The following ELP3 variants were observed in gnomAD, a reference collection of about 807,000 sequenced individuals.
ELP3 encodes elongator acetyltransferase complex subunit 3.
Under a neutral mutation model 74.9 loss-of-function variants are expected in ELP3, and 56 were observed. The observed-to-expected ratio is 0.75, with a 90% confidence interval of 0.60 to 0.93. The LOEUF (loss-of-function observed/expected upper bound fraction) is 0.93, where lower values mean the gene tolerates loss of function less well. ELP3 is among the 40% of genes least tolerant of loss of function. The probability of loss-of-function intolerance (pLI) is 0.00; values close to 1 mark genes in which losing one functional copy is unlikely to be tolerated. For missense variants in ELP3, 573 were observed against 686.5 expected, an observed-to-expected ratio of 0.83 and a Z score of 1.85; for synonymous variants, 222 against 239.8, an observed-to-expected ratio of 0.93 and a Z score of 0.68.
Position 28,122,465 on chromosome 8 carries a change from A to C in ELP3, c.618-7037A>C, listed in dbSNP as rs1370741118. The stretch of plus-strand genomic sequence containing the variant: ...ATGGGAGGGTTTTAGATCATAATTC[A>C]GTTCATTTAATAGATATAGAGCTAT... On this transcript the variant is annotated intron_variant, in intron 7 of 14. Transcript: ENST00000256398. 5.3e-5 allele frequency among the ~76,000 whole-genome samples: 8 copies of C among 152,252 alleles called. No individual in the cohort carries two copies. In the East Asian group the frequency reaches 1.3e-3, roughly 26 times the overall value.
At chr8:28,109,307 C>T (rs1236337173) in intron 5 of ELP3, among the ~76,000 whole-genome samples, 7 of 152,160 alleles carry the variant, frequency 4.6e-5, no homozygotes, top group Non-Finnish European at 2.9e-5. Flanking sequence ...GCCAGGAAAG[C>T]TTGTGACTTT....
intron 1 of ELP3, 122 bp downstream of exon 1, chr8:28,093,355 C>T: frequency 7.2e-7 from 1 of 1,386,512 alleles, no homozygotes; most frequent in East Asian, 2.4e-5. Flanking sequence ...CGCCCCGCCA[C>T]CTAGGGTCAG....
At chr8:28,116,864 A>G (rs1812159613) in intron 7 of ELP3, among the ~76,000 whole-genome samples, 1 of 152,220 alleles carries the variant, frequency 6.6e-6, no homozygotes, top group South Asian at 2.1e-4. Flanking sequence ...ATACTGAAAA[A>G]TCAAACTATA....
At chr8:28,152,544 G>A (rs893253208) in intron 10 of ELP3, among the ~76,000 whole-genome samples, 8 of 152,156 alleles carry the variant, frequency 5.3e-5, no homozygotes, top group African/African-American at 1.9e-4. Context: ...AGTGGCTCAT[G>A]CCTGTAATCC....
Position 28,152,569 on chromosome 8 carries a change from GC to G in ELP3, c.1101-3371del, listed in dbSNP as rs1230907512. Among the ~76,000 whole-genome samples, 7 of 152,258 alleles carry G rather than the reference GC, an allele frequency of 4.6e-5. No individual in the cohort carries two copies. In the East Asian group the frequency reaches 1.2e-3, roughly 25 times the overall value. The stretch of plus-strand genomic sequence containing the variant: ...GCCTGTAATCCCAGCACTTTGGGAG[GC>G]CGAGGCAGGTGGATCACCTGAGGTC... On this transcript the variant is annotated intron_variant, in intron 10 of 14. Transcript: ENST00000256398.
upstream of ELP3, chr8:28,093,053 C>T: frequency 2.6e-6 from 3 of 1,160,882 alleles, no homozygotes; most frequent in South Asian, 4.0e-5. Context: ...CAACACGGGG[C>T]GGGGCGTGGC....
intron 7 of ELP3, chr8:28,113,700 C>G (rs938228212): frequency 6.6e-6 from 1 of 152,148 alleles, no homozygotes; most frequent in African/African-American, 2.4e-5. Context: ...GTTGGGAAGT[C>G]CAATGTCAAG....
At chr8:28,155,839 C>CACAG in intron 10 of ELP3, 103 bp from the exon 11 acceptor site, 1 of 977,364 alleles carries the variant, frequency 1.0e-6, no homozygotes, top group Non-Finnish European at 1.5e-6. Flanking sequence ...AGGTTTTTTG[C>CACAG]TTTTTTATTT....
Position 28,151,940 on chromosome 8 carries a change from C to T in ELP3, c.1101-4002C>T, listed in dbSNP as rs77013227. Reference sequence around the variant, plus strand: ...ACAATATTGTAGGAGTTGGCCCATCCGGAGTGTTTAACTCTCAGACTTGTC... The same window carrying T: ...ACAATATTGTAGGAGTTGGCCCATCTGGAGTGTTTAACTCTCAGACTTGTC... On this transcript the variant is annotated intron_variant, in intron 10 of 14. Coordinates refer to ENST00000256398, the MANE Select transcript of ELP3 (RefSeq NM_018091.6). Among the ~76,000 whole-genome samples, 488 of 152,272 alleles carry T rather than the reference C, an allele frequency of 3.2e-3. 3 individuals are homozygous for T. The highest frequency in any genetic ancestry group is 0.011 in the African/African-American group (456 of 41,536).
chr8:28,109,518 G>A lies in ELP3; in HGVS notation c.394-852G>A, dbSNP rs567327486. Among the ~76,000 whole-genome samples, 238 of 152,282 alleles carry A rather than the reference G, an allele frequency of 1.6e-3. 2 individuals are homozygous for A. The highest frequency in any genetic ancestry group is 5.4e-3 in the African/African-American group (225 of 41,540). On this transcript the variant is annotated intron_variant, in intron 5 of 14. Coordinates refer to ENST00000256398, the MANE Select transcript of ELP3 (RefSeq NM_018091.6). ...TATTTTAGGGAACACAGCATACACA[G>A]GTTGCCTATCCCTTATGTGAAATGC...
At chr8:28,172,994 G>A (rs982423361) in intron 14 of ELP3, among the ~76,000 whole-genome samples, 5 of 151,900 alleles carry the variant, frequency 3.3e-5, no homozygotes, top group African/African-American at 1.2e-4. Context: ...ACTTGGTTGT[G>A]GTATATAATC....
chr8:28,168,578 G>C (rs1359569773), intron 14 of ELP3, among the ~76,000 whole-genome samples: 1 of 152,186 alleles, frequency 6.6e-6, no homozygotes, highest in Non-Finnish European at 1.5e-5. Flanking sequence ...AGGTCTGGAA[G>C]CTTTGAGATG....
chr8:28,113,909 T>A (rs556382592), intron 7 of ELP3: 6 of 152,320 alleles, frequency 3.9e-5, no homozygotes, highest in African/African-American at 1.4e-4. Context: ...AACTCATGTC[T>A]GTCAAATCAT....
At chr8:28,189,590 G>A in intron 14 of ELP3, 59 bp from the exon 15 acceptor site, 1 of 1,567,322 alleles carries the variant, frequency 6.4e-7, no homozygotes, top group Non-Finnish European at 8.8e-7. Flanking sequence ...GGAAGCACAT[G>A]CCGACTTTTG....
At chr8:28,174,609 C>G (rs1814667680) in intron 14 of ELP3, among the ~76,000 whole-genome samples, 1 of 151,982 alleles carries the variant, frequency 6.6e-6, no homozygotes, top group Admixed American at 6.6e-5. Flanking sequence ...TATCCATTAA[C>G]CTAGACTTAA....
chr8:28,152,551 A>G (rs1813681508), intron 10 of ELP3, among the ~76,000 whole-genome samples: 1 of 152,198 alleles, frequency 6.6e-6, no homozygotes, highest in African/African-American at 2.4e-5. Context: ...CATGCCTGTA[A>G]TCCCAGCACT....
intron 4 of ELP3, among the ~76,000 whole-genome samples, chr8:28,107,224 G>T (rs1197355580): frequency 6.6e-6 from 1 of 152,220 alleles, no homozygotes; most frequent in East Asian, 1.9e-4. Flanking sequence ...CTCCAGCCTG[G>T]GCAACAGAGT....
rs536866259 is a variant in ELP3, at chr8:28,108,064, T to A, written c.393+88T>A. ...TTACCAGTACTGGCTTTCTGACAATTTTTTGTTTTTGTTTTTGTTTTTTTC... is the reference window on the plus strand; with the variant it reads ...TTACCAGTACTGGCTTTCTGACAATATTTTGTTTTTGTTTTTGTTTTTTTC... On this transcript the variant is annotated intron_variant, in intron 5 of 14. Transcript: ENST00000256398. 176 of 1,023,448 alleles carry A rather than the reference T, an allele frequency of 1.7e-4. 3 individuals carry two copies. The South Asian group carries it at 2.3e-3, about 13-fold the overall frequency. 63.4% of individuals were successfully genotyped at this position (1,023,448 alleles called of 1,614,324 possible). A position where few individuals can be genotyped will look rare whatever the true frequency, so the allele number is the denominator to read the frequency against.
At chr8:28,099,510 G>A (rs570543570) in intron 2 of ELP3, among the ~76,000 whole-genome samples, 36 of 152,334 alleles carry the variant, frequency 2.4e-4, no homozygotes, top group African/African-American at 6.7e-4. Flanking sequence ...CTGAGGTTGA[G>A]AAAGGTGGAG....
Sources: allele counts gnomAD v4.1 joint callset (sites outside exome capture counted in the v4.1 genomes callset), GRCh38; gene constraint gnomAD v4.1.1; transcripts MANE v1.5; gene names NCBI Gene and HGNC (gene_info 2026-07-23, HGNC 2026-07-21).